MARCHF1: variants seen among roughly 807,000 people sequenced by gnomAD.
MARCHF1 encodes the protein E3 ubiquitin-protein ligase MARCHF1.
A neutral mutation model predicts 54.2 loss-of-function variants in MARCHF1; 40 were observed. The observed-to-expected ratio is 0.74, with a 90% confidence interval of 0.57 to 0.96. The LOEUF is 0.96. Ranked by LOEUF, MARCHF1 falls within the 40% of genes least tolerant of loss-of-function variation. The pLI is 0.00. For missense variants in MARCHF1, 586 were observed against 656.5 expected (o/e 0.89, Z 1.17); for synonymous variants, 236 against 236.3 (o/e 1.00, Z 0.01).
At chr4:164,034,028 T>A (rs980450535) in intron 2 of MARCHF1, among the ~76,000 whole-genome samples, 1 of 151,626 alleles carries the variant, frequency 6.6e-6, no homozygotes, top group Non-Finnish European at 1.5e-5. Context: ...CCAACTCAAA[T>A]GCCCATCAAT....
intron 5 of MARCHF1, among the ~76,000 whole-genome samples, chr4:163,700,563 AG>A (rs1744779989): frequency 6.6e-6 from 1 of 151,242 alleles, no homozygotes; most frequent in Non-Finnish European, 1.5e-5. Flanking sequence ...GAAGGAAGGA[AG>A]GAAGGAAGGA....
rs1270443608 is a variant in MARCHF1 at position 164,199,706 on chromosome 4, AGAGAGAAG to A, written c.-322-88052_-322-88045del. On this transcript the variant is annotated intron_variant, in intron 1 of 9. Coordinates refer to ENST00000514618, the MANE Select transcript of MARCHF1 (RefSeq NM_001394959.1). ...CAGAGAGAGAGAGAGAGAGAGAGAG[AGAGAGAAG>A]AGAGGAGAAGAGAAGATAAAAGAAG... 2.1e-3 allele frequency among the ~76,000 whole-genome samples: 293 copies of A among 137,470 alleles called. 1 individual carries two copies. Among genetic ancestry groups the A allele is most frequent in the African/African-American group, 6.9e-3 (270 of 38,990 alleles). The allele number at this position is 137,470 out of a possible 152,430, so 90.2% of individuals were successfully genotyped here.
chr4:163,661,933 T>TC (rs1743356487), intron 5 of MARCHF1, among the ~76,000 whole-genome samples: 4 of 152,112 alleles, frequency 2.6e-5, no homozygotes, highest in Non-Finnish European at 5.9e-5. Flanking sequence ...CAATTGATGG[T>TC]TGACTGGATA....
chr4:163,545,180 A>C (rs1293493056), intron 9 of MARCHF1, among the ~76,000 whole-genome samples: 2 of 152,240 alleles, frequency 1.3e-5, no homozygotes, highest in African/African-American at 4.8e-5. Flanking sequence ...GCTATAACAC[A>C]TTCTCTACTG....
At chr4:163,973,077 A>T (rs1245731305) in intron 3 of MARCHF1, among the ~76,000 whole-genome samples, 1 of 152,190 alleles carries the variant, frequency 6.6e-6, no homozygotes, top group African/African-American at 2.4e-5. Flanking sequence ...GCAAGCATAA[A>T]ATCTGAATTT....
At chr4:164,148,153 A>G (rs1446705360) in intron 1 of MARCHF1, among the ~76,000 whole-genome samples, 1 of 151,656 alleles carries the variant, frequency 6.6e-6, no homozygotes, top group Non-Finnish European at 1.5e-5. Flanking sequence ...ACACACACAC[A>G]CACACACACA....
At chr4:164,141,423 C>A (rs556534501) in intron 1 of MARCHF1, among the ~76,000 whole-genome samples, 1 of 152,178 alleles carries the variant, frequency 6.6e-6, no homozygotes, top group African/African-American at 2.4e-5. Flanking sequence ...CATACTAAAA[C>A]CTATTTATAG....
chr4:163,800,455 A>G (rs115603626), intron 4 of MARCHF1, among the ~76,000 whole-genome samples: 3,648 of 152,018 alleles, frequency 0.024, 62 homozygotes, highest in Non-Finnish European at 0.03. Flanking sequence ...GTATAATTCC[A>G]AAGAGTATTT....
chr4:164,209,762 G>A (rs1441520329), intron 1 of MARCHF1, among the ~76,000 whole-genome samples: 1 of 151,888 alleles, frequency 6.6e-6, no homozygotes, highest in South Asian at 2.1e-4. Flanking sequence ...CATTTAACAT[G>A]CATTTGTATA....
intron 1 of MARCHF1, among the ~76,000 whole-genome samples, chr4:164,375,667 C>T (rs768722802): frequency 6.6e-6 from 1 of 152,166 alleles, no homozygotes; most frequent in Non-Finnish European, 1.5e-5. Context: ...TGCTCCCCTA[C>T]TACATGCACA....
chr4:164,298,359 T>C (rs1027227523), intron 1 of MARCHF1, among the ~76,000 whole-genome samples: 29 of 152,050 alleles, frequency 1.9e-4, no homozygotes, highest in African/African-American at 7.0e-4. Flanking sequence ...CTTCTCTTCC[T>C]GGGATGTAGG....
At chr4:164,253,925 A>T (rs1490654779) in intron 1 of MARCHF1, among the ~76,000 whole-genome samples, 2 of 152,198 alleles carry the variant, frequency 1.3e-5, no homozygotes, top group Non-Finnish European at 2.9e-5. Flanking sequence ...TGCATAGTGC[A>T]TGATTCTATC....
At chr4:163,974,071 T>A (rs1008681052) in intron 3 of MARCHF1, among the ~76,000 whole-genome samples, 3 of 152,218 alleles carry the variant, frequency 2.0e-5, no homozygotes, top group African/African-American at 7.2e-5. Context: ...CCTAAATTCC[T>A]GAGTTGTAAA....
intron 1 of MARCHF1, among the ~76,000 whole-genome samples, chr4:164,139,432 G>C (rs989652225): frequency 8.8e-5 from 13 of 147,570 alleles, no homozygotes; most frequent in African/African-American, 3.0e-4. Context: ...TGTATCAAAA[G>C]AAACAAACAA....
At chr4:163,657,091 A>G (rs910033503) in intron 5 of MARCHF1, among the ~76,000 whole-genome samples, 19 of 152,238 alleles carry the variant, frequency 1.2e-4, no homozygotes, top group African/African-American at 4.6e-4. Context: ...AATAAATGGT[A>G]TTCAAATAGG....
intron 8 of MARCHF1, among the ~76,000 whole-genome samples, chr4:163,560,397 A>T (rs1739430514): frequency 6.6e-6 from 1 of 152,196 alleles, no homozygotes; most frequent in South Asian, 2.1e-4. Context: ...GTCAGTCTTA[A>T]CAACTATACT....
chr4:163,681,427 T>C (rs897696449), intron 5 of MARCHF1, among the ~76,000 whole-genome samples: 1 of 152,136 alleles, frequency 6.6e-6, no homozygotes, highest in Non-Finnish European at 1.5e-5. Flanking sequence ...AGTCACATCA[T>C]AGGCTGATAT....
At chr4:163,979,792 ATG>A (rs1365385884) in intron 3 of MARCHF1, among the ~76,000 whole-genome samples, 1 of 151,860 alleles carries the variant, frequency 6.6e-6, no homozygotes, top group Admixed American at 6.6e-5. Flanking sequence ...GCATTTTTTC[ATG>A]TGTTTTTTGG....
intron 2 of MARCHF1, among the ~76,000 whole-genome samples, chr4:164,020,065 G>A (rs1009272682): frequency 6.6e-6 from 1 of 152,150 alleles, no homozygotes; most frequent in African/African-American, 2.4e-5. Flanking sequence ...GCAAAGAACT[G>A]TTTTAGTGAC....
Sources: allele counts gnomAD v4.1 joint callset (sites outside exome capture counted in the v4.1 genomes callset), GRCh38; gene constraint gnomAD v4.1.1; transcripts MANE v1.5; gene names NCBI Gene and HGNC (gene_info 2026-07-23, HGNC 2026-07-21).